Variants in CCDC93 observed in about 807,000 individuals in gnomAD.
CCDC93 encodes CCC complex scaffolding subunit CCDC93.
Under a neutral mutation model 108.2 loss-of-function variants are expected in CCDC93, and 61 were observed. The observed-to-expected ratio is 0.56, with a 90% CI of 0.46 to 0.70. The LOEUF (loss-of-function observed/expected upper bound fraction) is 0.70. CCDC93 is among the 30% of genes least tolerant of loss of function. The pLI is 0.00. For synonymous variants in CCDC93, 276 were observed against 260.4 expected (o/e 1.06, Z -0.58); for missense variants, 685 against 764.2 (o/e 0.90, Z 1.22).
chr2:117,923,495 C>G (rs553650495), intron 23 of CCDC93, among the ~76,000 whole-genome samples: 70 of 152,200 alleles, frequency 4.6e-4, no homozygotes, highest in Non-Finnish European at 8.5e-4. Context: ...GAGGATCCTA[C>G]GCCCATGGAG....
chr2:117,941,034 G>A lies in CCDC93; in HGVS notation c.1522+155C>T, dbSNP rs190153438. Among the ~76,000 whole-genome samples the A allele has an allele frequency of 3.5e-4, 54 of 152,184 alleles. No homozygotes were observed. In the East Asian group the frequency reaches 8.2e-3, roughly 23 times the overall value. On this transcript the variant is annotated intron_variant, in intron 19 of 23. Transcript: ENST00000376300. ...GTGAGAGCACCACAGTGCTGCTCCCGGGACTGCCAAGTGGGCCTGCTGATG... is the reference window on the plus strand; with the variant it reads ...GTGAGAGCACCACAGTGCTGCTCCCAGGACTGCCAAGTGGGCCTGCTGATG...
chr2:117,978,511 A>AT (rs929440043), intron 7 of CCDC93, among the ~76,000 whole-genome samples: 10 of 152,330 alleles, frequency 6.6e-5, no homozygotes, highest in Admixed American at 6.5e-4. Flanking sequence ...ACAACCTTAA[A>AT]TTAAAAAAAA....
Position 117,958,474 on chromosome 2 carries a change from T to C in CCDC93, c.896A>G (p.Glu299Gly), listed in dbSNP as rs1354341144. 5.0e-6 allele frequency: 8 copies of C among 1,589,718 alleles called. No homozygotes were observed. The highest frequency in any genetic ancestry group is 3.3e-4 in the Middle Eastern group (2 of 6,042). The change falls in exon 12 of 24, where the codon GAG becomes GGG. Residue 299 changes from glutamate to glycine, a missense_variant. Coordinates refer to ENST00000376300, the MANE Select transcript of CCDC93 (RefSeq NM_019044.5). ...IVSEYAEKQSELSAEESPEKL... is the reference protein window; with the variant it reads ...IVSEYAEKQSGLSAEESPEKL... The stretch of plus-strand genomic sequence containing the variant: ...TTCTGGACTTTCTTCAGCTGATAGC[T>C]CAGACTGCTGTGGAAAAAAGGGATG...
chr2:117,977,100 G>T (rs960774827), intron 8 of CCDC93, among the ~76,000 whole-genome samples: 1 of 150,022 alleles, frequency 6.7e-6, no homozygotes, highest in East Asian at 1.9e-4. Flanking sequence ...CACTCCCGGA[G>T]AATGTTTTTT....
At chr2:117,997,885 A>G (rs1680706968) in intron 4 of CCDC93, 1 of 152,210 alleles carries the variant, frequency 6.6e-6, no homozygotes, top group African/African-American at 2.4e-5. Flanking sequence ...GGCTTTTCAC[A>G]TCTGCTTCCC....
chr2:118,008,831 T>C (rs1192765150), intron 1 of CCDC93, 173 bp from the exon 2 acceptor site: 3 of 587,396 alleles, frequency 5.1e-6, no homozygotes, highest in African/African-American at 1.9e-5. Flanking sequence ...GTGGACAGTG[T>C]TGTTGGAGTC....
At chr2:117,945,463 G>A (rs968728058) in intron 17 of CCDC93, 66 bp downstream of exon 17, 42 of 1,300,346 alleles carry the variant, frequency 3.2e-5, no homozygotes, top group Non-Finnish European at 4.7e-5. Flanking sequence ...AGCCATCACA[G>A]GAGAGTGGAA....
chr2:117,938,928 A>G, intron 20 of CCDC93, 101 bp downstream of exon 20: 1 of 638,338 alleles, frequency 1.6e-6, no homozygotes, highest in Non-Finnish European at 2.8e-6. Context: ...TCTTTCTGCT[A>G]ATGCTGAACA....
chr2:117,950,062 T>TG, intron 13 of CCDC93: 1 of 985,416 alleles, frequency 1.0e-6, no homozygotes, highest in Non-Finnish European at 1.2e-6. Flanking sequence ...CCAGCAGAAA[T>TG]GGGGAGTTCC....
chr2:117,930,641 G>C (rs1179777833), intron 23 of CCDC93: 2 of 156,378 alleles, frequency 1.3e-5, no homozygotes, highest in African/African-American at 4.8e-5. Context: ...ACACTTCAAA[G>C]TTCTCTCTTC....
chr2:117,966,021 C>T (rs1276558246), intron 11 of CCDC93, among the ~76,000 whole-genome samples: 3 of 152,212 alleles, frequency 2.0e-5, no homozygotes, highest in Admixed American at 2.0e-4. Flanking sequence ...AAGGCAACTA[C>T]TAAGAGGACA....
chr2:117,946,385 T>G (rs985922654), intron 16 of CCDC93, among the ~76,000 whole-genome samples: 29 of 152,060 alleles, frequency 1.9e-4, no homozygotes, highest in Admixed American at 1.5e-3. Context: ...GTTCTTCTGT[T>G]AAATCCAACA....
chr2:118,001,784 G>T (rs114655724), intron 3 of CCDC93, among the ~76,000 whole-genome samples: 3,157 of 152,264 alleles, frequency 0.021, 111 homozygotes, highest in African/African-American at 0.073. Flanking sequence ...CTGGTGGAGG[G>T]ATTTGTATGC....
intron 13 of CCDC93, chr2:117,950,923 C>A: frequency 1.0e-6 from 1 of 985,456 alleles, no homozygotes; most frequent in South Asian, 4.7e-5. Context: ...GGAACGACGA[C>A]TGCAGGAATG....
intron 16 of CCDC93, 21 bp downstream of exon 16, chr2:117,946,790 G>A (rs1678886473): frequency 1.3e-6 from 2 of 1,573,318 alleles, no homozygotes; most frequent in East Asian, 2.2e-5. Context: ...AGAGTCTCAA[G>A]GACTAATTCA....
intron 7 of CCDC93, 125 bp from the exon 8 acceptor site, chr2:117,978,155 G>T: frequency 2.4e-6 from 2 of 849,988 alleles, no homozygotes; most frequent in Non-Finnish European, 3.9e-6. Flanking sequence ...GGTGACTTGA[G>T]AAAACGTTAC....
chr2:117,952,498 T>C lies in CCDC93; in HGVS notation c.1006-63A>G, dbSNP rs554366025. On this transcript the variant is annotated intron_variant, in intron 12 of 23. Transcript: ENST00000376300. Reference sequence around the variant, plus strand: ...ATCCTTATGACAACACAGATGTGAATTTCACAGATGAGAAAATGAAAGCTC... The same window carrying C: ...ATCCTTATGACAACACAGATGTGAACTTCACAGATGAGAAAATGAAAGCTC... 7.7e-6 allele frequency: 9 copies of C among 1,168,992 alleles called. No homozygotes were observed. In the African/African-American group the frequency reaches 1.1e-4, roughly 14 times the overall value. The allele number at this position is 1,168,992 out of a possible 1,614,324, so 72.4% of individuals were successfully genotyped here. A position where few individuals can be genotyped will look rare whatever the true frequency, so the allele number is the denominator to read the frequency against.
At position 117,941,303 on chromosome 2, in the gene CCDC93, T is replaced by C. The variant is rs760395528; in HGVS notation, c.1414-6A>G. 1.2e-6 allele frequency: 2 copies of C among 1,608,448 alleles called. No homozygotes were observed. Among genetic ancestry groups the C allele is most frequent in the African/African-American group, 2.7e-5 (2 of 74,786 alleles). On this transcript the variant is annotated splice_region_variant and splice_polypyrimidine_tract_variant and intron_variant, in intron 18 of 23. Transcript: ENST00000376300. Reference sequence around the variant, plus strand: ...ATTTCTCGATTTCTTCGAGCCTAAATGCAAAAGGGAGACAGAGACAGTACT... The same window carrying C: ...ATTTCTCGATTTCTTCGAGCCTAAACGCAAAAGGGAGACAGAGACAGTACT...
chr2:117,980,452 A>G (rs540830633), intron 7 of CCDC93, among the ~76,000 whole-genome samples: 1 of 152,326 alleles, frequency 6.6e-6, no homozygotes, highest in African/African-American at 2.4e-5. Flanking sequence ...TTTTCCAAAT[A>G]AGGAAGTGAA....
Sources: gnomAD v4.1 joint callset for allele counts (sites outside exome capture counted in the v4.1 genomes callset) on GRCh38, gnomAD v4.1.1 for gene constraint, MANE v1.5 for transcripts, NCBI Gene and HGNC (gene_info 2026-07-23, HGNC 2026-07-21) for gene names.